The following CRYM variants were observed in gnomAD, a reference collection of about 807,000 sequenced individuals.
The protein encoded by CRYM is ketimine reductase mu-crystallin.
A neutral mutation model predicts 32.9 loss-of-function variants in CRYM; 18 were observed. The observed-to-expected ratio is 0.55, with a 90% CI of 0.38 to 0.81. The LOEUF (loss-of-function observed/expected upper bound fraction) is 0.81. Among genes scored for constraint, CRYM ranks in the 30% least tolerant of loss-of-function variants. CRYM has a pLI of 0.00. For missense variants in CRYM, 337 were observed against 393.5 expected, an observed-to-expected ratio of 0.86 and a Z score of 1.21; for synonymous variants, 153 against 152.4, an observed-to-expected ratio of 1.00 and a Z score of -0.03.
rs1226684641 is a variant in CRYM, at chr16:21,277,315, T to C, written c.324+116A>G. On this transcript the variant is annotated intron_variant, in intron 2 of 7. Coordinates refer to ENST00000572914, the MANE Select transcript of CRYM (RefSeq NM_001376256.1). The surrounding 1 kb of genome is among the most constrained non-coding windows in gnomAD (Gnocchi z 4.2). The stretch of plus-strand genomic sequence containing the variant: ...TTCACTGTTGCTGGTATCCAGTCAC[T>C]TGCAGAGGGGCACGCGTAGTCACAA... The C allele has an allele frequency of 1.4e-5, 15 of 1,086,474 alleles. No individual in the cohort carries two copies. Among genetic ancestry groups the C allele is most frequent in the Admixed American group, 2.0e-5 (1 of 50,932 alleles). The allele number at this position is 1,086,474 out of a possible 1,614,324, so 67.3% of individuals were successfully genotyped here.
chr16:21,302,550 A>T (rs767795635), intron 1 of CRYM, among the ~76,000 whole-genome samples: 5 of 152,224 alleles, frequency 3.3e-5, no homozygotes, highest in Non-Finnish European at 7.3e-5. Flanking sequence ...CTGCTGAAAC[A>T]AAGTGGGGCA....
intron 1 of CRYM, among the ~76,000 whole-genome samples, chr16:21,290,536 A>G (rs1279232927): frequency 6.6e-6 from 1 of 152,208 alleles, no homozygotes; most frequent in Non-Finnish European, 1.5e-5. Context: ...CAGCGAGACC[A>G]AGAACCCACG....
At chr16:21,295,465 T>G (rs1960769806) in intron 1 of CRYM, among the ~76,000 whole-genome samples, 1 of 152,212 alleles carries the variant, frequency 6.6e-6, no homozygotes, top group East Asian at 1.9e-4. Flanking sequence ...GCTTCATAAA[T>G]GTCTTCTTTT....
At chr16:21,284,528 G>T (rs966760110) in intron 1 of CRYM, among the ~76,000 whole-genome samples, 8 of 152,060 alleles carry the variant, frequency 5.3e-5, no homozygotes, top group African/African-American at 1.9e-4. Context: ...TTTTGTTTGT[G>T]GATTTGTAGG....
chr16:21,259,730 C>T (rs1234174768), intron 7 of CRYM, among the ~76,000 whole-genome samples: 1 of 152,188 alleles, frequency 6.6e-6, no homozygotes, highest in Non-Finnish European at 1.5e-5. Context: ...ACGCTTGGTC[C>T]AGTTTGAATG....
chr16:21,273,020 A>C (rs555282183), intron 3 of CRYM, among the ~76,000 whole-genome samples: 4 of 151,828 alleles, frequency 2.6e-5, no homozygotes, highest in Non-Finnish European at 5.9e-5. Context: ...ACCCTGTACT[A>C]CATGAGGGCA....
intron 3 of CRYM, among the ~76,000 whole-genome samples, chr16:21,270,117 C>T (rs1002363515): frequency 6.6e-6 from 1 of 152,116 alleles, no homozygotes; most frequent in African/African-American, 2.4e-5. Context: ...TGCTTTGCCC[C>T]CATGATCTCA....
chr16:21,302,712 C>T (rs1368347757), intron 1 of CRYM, among the ~76,000 whole-genome samples: 1 of 152,160 alleles, frequency 6.6e-6, no homozygotes, highest in African/African-American at 2.4e-5. Context: ...CCTACCCTCC[C>T]ACAGAAACTG....
At chr16:21,285,086 T>C (rs1380311330) in intron 1 of CRYM, among the ~76,000 whole-genome samples, 1 of 152,248 alleles carries the variant, frequency 6.6e-6, no homozygotes, top group East Asian at 1.9e-4. Flanking sequence ...TGAGAAATGT[T>C]TGTTCCTTTT....
rs2093389142 is a variant in CRYM at position 21,277,499 on chromosome 16, T to A, written c.256A>T (p.Thr86Ser). The A allele has an allele frequency of 6.2e-7, 1 of 1,613,814 alleles. No homozygotes were observed. Among genetic ancestry groups the A allele is most frequent in the East Asian group, 2.2e-5 (1 of 44,868 alleles). ...GCCTGGTGGGAAGGGACGACCGAGG[T>A]GATGCCGCGGTCCTCGTAGAAGGTG... Reference protein sequence around the residue: ...LVTFYEDRGITSVVPSHQATV... With the variant: ...LVTFYEDRGISSVVPSHQATV... Residue 86 changes from threonine to serine, a missense_variant, in exon 2 of 8, where the codon ACC becomes TCC. Physicochemically the swap from Thr to Ser is moderately conservative, Grantham distance 58 (BLOSUM62 1). Coordinates refer to ENST00000572914, the MANE Select transcript of CRYM (RefSeq NM_001376256.1). The surrounding 1 kb of genome is among the most constrained non-coding windows in gnomAD (Gnocchi z 4.2).
At chr16:21,290,717 C>G (rs1418720177) in intron 1 of CRYM, among the ~76,000 whole-genome samples, 1 of 152,160 alleles carries the variant, frequency 6.6e-6, no homozygotes, top group Non-Finnish European at 1.5e-5. Context: ...TATTCATAAA[C>G]TGTTATACAT....
At chr16:21,264,311 T>C (rs573119656) in intron 5 of CRYM, among the ~76,000 whole-genome samples, 1 of 152,332 alleles carries the variant, frequency 6.6e-6, no homozygotes, top group Admixed American at 6.5e-5. Context: ...TCCTTCTCAC[T>C]GGACTATTTC....
At chr16:21,264,727 T>C (rs1015320811) in intron 5 of CRYM, among the ~76,000 whole-genome samples, 1 of 152,172 alleles carries the variant, frequency 6.6e-6, no homozygotes, top group Non-Finnish European at 1.5e-5. Context: ...TCCTGGAGAA[T>C]GATTCCAAGT....
chr16:21,284,470 C>G (rs1236814046), intron 1 of CRYM, among the ~76,000 whole-genome samples: 1 of 152,172 alleles, frequency 6.6e-6, no homozygotes, highest in Admixed American at 6.5e-5. Context: ...CATTCAGTTA[C>G]ATCCCATTCT....
chr16:21,301,063 C>G (rs1333205529), intron 1 of CRYM: 1 of 152,434 alleles, frequency 6.6e-6, no homozygotes, highest in South Asian at 2.1e-4. Flanking sequence ...GCGCGTGGCG[C>G]GGGGTCTGCT....
In CRYM at chr16:21,278,231, G is replaced by C; in HGVS notation, c.21C>G (p.Phe7Leu). ...GTTCCTCCACCTCGGCCGCGCTCAG[G>C]AACGCTGGTACCCGGCTCATCTCGC... MSRVPA[F>L]LSAAEVEEHL... Residue 7 changes from phenylalanine to leucine, a missense_variant, in exon 1 of 8, where the codon TTC becomes TTG. By Grantham distance (22) the Phe-to-Leu change is conservative. Transcript: ENST00000572914. The C allele has an allele frequency of 6.3e-7, 1 of 1,581,260 alleles. No individual in the cohort carries two copies. The highest frequency in any genetic ancestry group is 1.2e-5 in the South Asian group (1 of 86,598).
chr16:21,264,299 A>G (rs1396190113), intron 5 of CRYM, among the ~76,000 whole-genome samples: 1 of 151,900 alleles, frequency 6.6e-6, no homozygotes, highest in African/African-American at 2.4e-5. Context: ...TTCTCAGGCC[A>G]CTCCTTCTCA....
chr16:21,278,437 A>C, upstream of CRYM: 3 of 672,868 alleles, frequency 4.5e-6, no homozygotes, highest in Non-Finnish European at 7.7e-6. Flanking sequence ...CTCGACCCCT[A>C]AGGGTGGGCG....
chr16:21,302,973 C>T (rs1960990551), intron 1 of CRYM: 1 of 155,306 alleles, frequency 6.4e-6, no homozygotes. Context: ...GTTTATTGGA[C>T]TTACAGTTCC....
Sources: gnomAD v4.1 joint callset for allele counts (sites outside exome capture counted in the v4.1 genomes callset) on GRCh38, gnomAD v4.1.1 for gene constraint, Gnocchi (gnomAD v3.1) non-coding constraint, MANE v1.5 for transcripts, NCBI Gene and HGNC (gene_info 2026-07-23, HGNC 2026-07-21) for gene names.